PPP1R3A: variants seen among roughly 807,000 people sequenced by gnomAD.
The protein encoded by PPP1R3A is protein phosphatase 1 regulatory subunit 3A, also known as RG1.
A neutral mutation model predicts 41.7 loss-of-function variants in PPP1R3A; 29 were observed. That is an observed-to-expected ratio of 0.70 (90% confidence interval 0.52 to 0.95). The LOEUF is 0.95. Ranked by LOEUF, PPP1R3A falls within the 40% of genes least tolerant of loss-of-function variation. The pLI, the probability that PPP1R3A is intolerant of heterozygous loss-of-function variation, is 0.00. For synonymous variants in PPP1R3A, 485 were observed against 453.4 expected (o/e 1.07, Z -0.89); for missense variants, 1,352 against 1,292.4 (o/e 1.05, Z -0.71).
At chr7:113,886,914 T>C (rs1796793712) in intron 1 of PPP1R3A, among the ~76,000 whole-genome samples, 1 of 152,156 alleles carries the variant, frequency 6.6e-6, no homozygotes, top group Admixed American at 6.5e-5. Context: ...CACCTTTATG[T>C]TCCTCGAGTA....
intron 1 of PPP1R3A, among the ~76,000 whole-genome samples, chr7:113,884,634 C>T (rs1368464934): frequency 6.6e-6 from 1 of 150,928 alleles, no homozygotes; most frequent in Non-Finnish European, 1.5e-5. Flanking sequence ...ATCTTCTGGG[C>T]CTAAGAGTAG....
Position 113,878,886 on chromosome 7 carries a change from T to C in PPP1R3A, c.2206A>G (p.Thr736Ala), listed in dbSNP as rs746799138. ...ATGCTTTCTGGAGTACTTTCTGATG[T>C]TGTCTTAATTATATAGGCTGTACCA... Reference protein sequence around the residue: ...EAGTAYIIKTTSESTPESMSA... With the variant: ...EAGTAYIIKTASESTPESMSA... The change falls in exon 4 of 4, where the codon ACA becomes GCA. Residue 736 changes from threonine (T) to alanine (A), a missense_variant. By Grantham distance (58) the Thr-to-Ala change is moderately conservative. Transcript: ENST00000284601. The C allele has an allele frequency of 3.1e-6, 5 of 1,612,880 alleles. No homozygotes were observed. The highest frequency in any genetic ancestry group is 1.7e-5 in the Admixed American group (1 of 59,882).
intron 1 of PPP1R3A, among the ~76,000 whole-genome samples, chr7:113,916,002 G>A (rs1797336477): frequency 1.3e-5 from 2 of 152,086 alleles, no homozygotes; most frequent in East Asian, 1.9e-4. Flanking sequence ...TATGGCACAT[G>A]CTGTTCTAAG....
chr7:113,911,060 CAG>C (rs1797236276), intron 1 of PPP1R3A, among the ~76,000 whole-genome samples: 1 of 152,026 alleles, frequency 6.6e-6, no homozygotes, highest in African/African-American at 2.4e-5. Flanking sequence ...ACAACACAGA[CAG>C]ATCATTTTCA....
chr7:113,903,033 A>G (rs1054095158), intron 1 of PPP1R3A, among the ~76,000 whole-genome samples: 10 of 151,650 alleles, frequency 6.6e-5, no homozygotes, highest in Admixed American at 5.9e-4. Flanking sequence ...TGATATTTGT[A>G]TATTTTTTTC....
chr7:113,878,393 G>C lies in PPP1R3A; in HGVS notation c.2699C>G (p.Ser900Cys). ...KKTDSDAIVH[S>C]AFNSDTNRAP... Reference sequence around the variant, plus strand: ...TCTATTAGTGTCTGAGTTAAAAGCAGAATGCACAATGGCATCCGAGTCTGT... The same window carrying C: ...TCTATTAGTGTCTGAGTTAAAAGCACAATGCACAATGGCATCCGAGTCTGT... The change falls in exon 4 of 4, where the codon TCT becomes TGT. Residue 900 changes from serine (S) to cysteine (C), a missense_variant. Transcript: ENST00000284601. The C allele has an allele frequency of 6.2e-7, 1 of 1,611,848 alleles. No homozygotes were observed. Among genetic ancestry groups the C allele is most frequent in the South Asian group, 1.1e-5 (1 of 91,068 alleles).
chr7:113,905,664 G>C (rs1014642356), intron 1 of PPP1R3A, among the ~76,000 whole-genome samples: 5 of 151,714 alleles, frequency 3.3e-5, no homozygotes, highest in African/African-American at 7.3e-5. Flanking sequence ...TACTCTCACT[G>C]GTTCTAGGTT....
chr7:113,906,280 T>G (rs1797144909), intron 1 of PPP1R3A, among the ~76,000 whole-genome samples: 1 of 151,846 alleles, frequency 6.6e-6, no homozygotes, highest in Admixed American at 6.6e-5. Flanking sequence ...ATCTGTTGTT[T>G]TTAACATATG....
chr7:113,877,466 G>A lies in PPP1R3A; in HGVS notation c.*257C>T. The A allele has an allele frequency of 2.9e-6, 1 of 345,912 alleles. No individual in the cohort carries two copies. The highest frequency in any genetic ancestry group is 4.5e-5 in the East Asian group (1 of 22,130). The allele number at this position is 345,912 out of a possible 1,614,324, so 21.4% of individuals were successfully genotyped here. On this transcript the variant is annotated 3_prime_UTR_variant, in exon 4 of 4. Transcript: ENST00000284601. ...GCATTGCAACTTCATAGCCTGCTAA[G>A]GAGCAACAGCTGTACCTAATTTCAA...
In PPP1R3A at chr7:113,882,071, C is replaced by A. The variant is rs751055412; in HGVS notation, c.934G>T (p.Asp312Tyr). Residue 312 changes from aspartate (D) to tyrosine (Y), a missense_variant, in exon 3 of 4, where the codon GAT (aspartate) becomes TAT (tyrosine). Coordinates refer to ENST00000284601, the MANE Select transcript of PPP1R3A (RefSeq NM_002711.4). ...RNVKDVNREH[D>Y]EHNEKELELM... is the part of the protein sequence containing the mutation. Reference sequence around the variant, plus strand: ...TCTAATTCTTTTTCATTATGTTCATCATGTTCCCTGTTTACATCTTTTACA... The same window carrying A: ...TCTAATTCTTTTTCATTATGTTCATAATGTTCCCTGTTTACATCTTTTACA... The A allele has an allele frequency of 6.2e-7, 1 of 1,612,650 alleles. No homozygotes were observed.
chr7:113,894,161 A>T (rs1197804533), intron 1 of PPP1R3A, among the ~76,000 whole-genome samples: 1 of 151,984 alleles, frequency 6.6e-6, no homozygotes, highest in Non-Finnish European at 1.5e-5. Context: ...ATGCATAACT[A>T]AGTAGAATCT....
Position 113,882,047 on chromosome 7 carries a change from C to G in PPP1R3A, c.958G>C (p.Glu320Gln), listed in dbSNP as rs762418405. 1 of 1,612,448 alleles carries G rather than the reference C, an allele frequency of 6.2e-7. No homozygotes were observed. The highest frequency in any genetic ancestry group is 1.1e-5 in the South Asian group (1 of 91,040). Residue 320 changes from glutamate (E) to glutamine (Q), a missense_variant, in exon 3 of 4, where the codon GAG becomes CAG. By Grantham distance (29) the Glu-to-Gln change is conservative. Coordinates refer to ENST00000284601, the MANE Select transcript of PPP1R3A (RefSeq NM_002711.4). The stretch of plus-strand genomic sequence containing the variant: ...GCAACCAGAACACTTACCATCAACT[C>G]TAATTCTTTTTCATTATGTTCATCA... ...EHDEHNEKEL[E>Q]LMINQHLIRT...
At chr7:113,898,111 A>C (rs771126913) in intron 1 of PPP1R3A, among the ~76,000 whole-genome samples, 4 of 151,864 alleles carry the variant, frequency 2.6e-5, no homozygotes, top group Non-Finnish European at 4.4e-5. Context: ...ATGTTGGATA[A>C]AATTCAGCAT....
chr7:113,878,845 T>G lies in PPP1R3A; in HGVS notation c.2247A>C (p.Lys749Asn). The G allele has an allele frequency of 6.2e-7, 1 of 1,613,272 alleles. No individual in the cohort carries two copies. Among genetic ancestry groups the G allele is most frequent in the Non-Finnish European group, 8.5e-7 (1 of 1,179,772 alleles). The change falls in exon 4 of 4, where the codon AAA (lysine) becomes AAC (asparagine). Residue 749 changes from lysine to asparagine, a missense_variant. Coordinates refer to ENST00000284601, the MANE Select transcript of PPP1R3A (RefSeq NM_002711.4). ...CTTGAGGTAGCTTAGCAATTATTGC[T>G]TTTTCTCTAGCAGACATGCTTTCTG... ...STPESMSARE[K>N]AIIAKLPQET...
At chr7:113,882,457 G>A (rs527855842) in intron 1 of PPP1R3A, 137 bp from the exon 2 acceptor site, 2 of 592,580 alleles carry the variant, frequency 3.4e-6, no homozygotes, top group South Asian at 1.9e-5. Context: ...TATTACTTGG[G>A]ATGTTTTGAA....
At chr7:113,894,996 T>C (rs564145588) in intron 1 of PPP1R3A, among the ~76,000 whole-genome samples, 1 of 152,076 alleles carries the variant, frequency 6.6e-6, no homozygotes, top group African/African-American at 2.4e-5. Flanking sequence ...CATTCAGAAG[T>C]GACAGCCCTC....
chr7:113,884,438 G>A (rs1190827862), intron 1 of PPP1R3A, among the ~76,000 whole-genome samples: 2 of 151,934 alleles, frequency 1.3e-5, no homozygotes. Flanking sequence ...ACAAGATTGA[G>A]AGCTTAGAAC....
At chr7:113,897,001 C>T (rs1292733284) in intron 1 of PPP1R3A, among the ~76,000 whole-genome samples, 1 of 151,944 alleles carries the variant, frequency 6.6e-6, no homozygotes, top group Non-Finnish European at 1.5e-5. Flanking sequence ...TTTTTGAAGC[C>T]TATTCACATG....
intron 1 of PPP1R3A, among the ~76,000 whole-genome samples, chr7:113,915,996 G>T (rs1256643802): frequency 6.6e-6 from 1 of 151,860 alleles, no homozygotes; most frequent in Admixed American, 6.6e-5. Flanking sequence ...TTCTATTATG[G>T]CACATGCTGT....
Sources: gnomAD v4.1 joint callset for allele counts (sites outside exome capture counted in the v4.1 genomes callset) on GRCh38, gnomAD v4.1.1 for gene constraint, MANE v1.5 for transcripts, NCBI Gene and HGNC (gene_info 2026-07-23, HGNC 2026-07-21) for gene names.